Variants in NSUN6 observed in about 807,000 individuals in gnomAD.
NSUN6 encodes the protein NOP2/Sun RNA methyltransferase 6, also known as tRNA (cytosine(72)-C(5))-methyltransferase NSUN6.
NSUN6 carries 64 observed loss-of-function variants against 58.0 expected under a neutral mutation model. That is an observed-to-expected ratio of 1.10 (90% confidence interval 0.90 to 1.36). The LOEUF (loss-of-function observed/expected upper bound fraction) is 1.36. Among genes scored for constraint, NSUN6 ranks in the 40% most tolerant of loss-of-function variants. The pLI is 0.00. For synonymous variants in NSUN6, 231 were observed against 193.9 expected, an observed-to-expected ratio of 1.19 and a Z score of -1.59; for missense variants, 701 against 550.1, an observed-to-expected ratio of 1.27 and a Z score of -2.74.
At chr10:18,568,709 C>T (rs1448477392) in intron 8 of NSUN6, among the ~76,000 whole-genome samples, 5 of 151,126 alleles carry the variant, frequency 3.3e-5, no homozygotes, top group African/African-American at 1.2e-4. Flanking sequence ...TTCTCCACTC[C>T]ACTGTCCATT....
At chr10:18,653,695 T>C (rs966195130), upstream of NSUN6, among the ~76,000 whole-genome samples, 11 of 152,322 alleles carry the variant, frequency 7.2e-5, no homozygotes, top group Admixed American at 2.0e-4. Context: ...CTTGACTAGA[T>C]GTTATAGTAA....
intron 6 of NSUN6, among the ~76,000 whole-genome samples, chr10:18,605,773 G>A (rs929382492): frequency 9.9e-5 from 15 of 151,950 alleles, no homozygotes; most frequent in Admixed American, 9.8e-4. Flanking sequence ...ATGGTAAGGG[G>A]GTGCAACAGT....
intron 7 of NSUN6, among the ~76,000 whole-genome samples, chr10:18,586,637 A>T (rs1025187045): frequency 6.6e-6 from 1 of 152,120 alleles, no homozygotes; most frequent in South Asian, 2.1e-4. Flanking sequence ...CGCTGACTTC[A>T]GGAGTGAAGC....
intron 8 of NSUN6, among the ~76,000 whole-genome samples, chr10:18,566,466 C>G (rs1415465076): frequency 7.0e-6 from 1 of 143,496 alleles, no homozygotes; most frequent in Non-Finnish European, 1.5e-5. Flanking sequence ...GCATTCCATT[C>G]CATTCTCCAT....
At chr10:18,635,859 TA>T (rs755771328) in intron 3 of NSUN6, among the ~76,000 whole-genome samples, 2,099 of 148,366 alleles carry the variant, frequency 0.014, 58 homozygotes, top group Non-Finnish European at 0.013. Flanking sequence ...TCGTTTTTTT[TA>T]AAAAAAAAAG....
At chr10:18,564,461 T>C (rs1006692058) in intron 8 of NSUN6, among the ~76,000 whole-genome samples, 1 of 149,774 alleles carries the variant, frequency 6.7e-6, no homozygotes, top group African/African-American at 2.5e-5. Flanking sequence ...TCATACCCAT[T>C]CTCCATTCCA....
At chr10:18,597,595 C>G (rs11015050) in intron 6 of NSUN6, among the ~76,000 whole-genome samples, 2 of 152,022 alleles carry the variant, frequency 1.3e-5, no homozygotes, top group African/African-American at 4.8e-5. Context: ...CATGGAGAAA[C>G]CCCATCTCTA....
intron 3 of NSUN6, among the ~76,000 whole-genome samples, chr10:18,632,857 A>G (rs183267460): frequency 0.012 from 1,758 of 152,326 alleles, 46 homozygotes; most frequent in African/African-American, 0.039. Flanking sequence ...GTGATTCCTC[A>G]GGGATCTAGA....
intron 6 of NSUN6, among the ~76,000 whole-genome samples, chr10:18,601,864 C>T (rs1168608271): frequency 2.0e-5 from 3 of 151,240 alleles, no homozygotes; most frequent in Admixed American, 6.6e-5. Flanking sequence ...GTAATCCCAT[C>T]TTGGGAAGCT....
chr10:18,626,313 G>C (rs896162705), intron 3 of NSUN6, among the ~76,000 whole-genome samples: 16 of 151,836 alleles, frequency 1.1e-4, no homozygotes, highest in Non-Finnish European at 2.1e-4. Flanking sequence ...GCCGAGGAGG[G>C]TGGATCACTT....
Position 18,640,922 on chromosome 10 carries a change from A to G in NSUN6, c.311+1554T>C, listed in dbSNP as rs114492848. Among the ~76,000 whole-genome samples the G allele has an allele frequency of 9.3e-3, 1,418 of 151,676 alleles. 20 individuals carry two copies. The highest frequency in any genetic ancestry group is 0.032 in the African/African-American group (1,332 of 41,444). ...CCTTTTATTTCCCCCCTCTCTCCCA[A>G]TCTAATTTCCTCAGAGTTAACCACT... is the stretch of plus-strand genomic sequence containing the variant. On this transcript the variant is annotated intron_variant, in intron 3 of 10. Transcript: ENST00000377304.
chr10:18,556,260 TGAA>T (rs2055010653), intron 8 of NSUN6, among the ~76,000 whole-genome samples: 1 of 144,790 alleles, frequency 6.9e-6, no homozygotes, highest in African/African-American at 2.6e-5. Flanking sequence ...TAGAATGGAA[TGAA>T]GAATGGAATG....
intron 8 of NSUN6, among the ~76,000 whole-genome samples, chr10:18,573,870 G>T (rs1290884530): frequency 6.6e-6 from 1 of 152,068 alleles, no homozygotes; most frequent in Non-Finnish European, 1.5e-5. Flanking sequence ...AAATTTTTAG[G>T]CTTAGTTGGA....
chr10:18,556,981 G>C (rs1451599364), intron 8 of NSUN6, among the ~76,000 whole-genome samples: 1 of 151,046 alleles, frequency 6.6e-6, no homozygotes, highest in Non-Finnish European at 1.5e-5. Flanking sequence ...GAATGGAATG[G>C]AGAATGGAAT....
rs535463376 is a variant in NSUN6 at position 18,610,821 on chromosome 10, G to A, written c.576-895C>T. On this transcript the variant is annotated intron_variant, in intron 5 of 10. Transcript: ENST00000377304. ...TGTCAGGCCAAAGCAGACAAAGCAA[G>A]CGAAAGGAGAAACATGGAGAAATTC... is the stretch of plus-strand genomic sequence containing the variant. Among the ~76,000 whole-genome samples, 3 of 152,302 alleles carry A rather than the reference G, an allele frequency of 2.0e-5. No individual in the cohort carries two copies. In the East Asian group the frequency reaches 5.8e-4, roughly 29 times the overall value.
intron 6 of NSUN6, among the ~76,000 whole-genome samples, chr10:18,600,993 T>TATACATATATATATATGTATA (rs1554870074): frequency 1.6e-5 from 2 of 126,418 alleles, no homozygotes; most frequent in Non-Finnish European, 3.3e-5. Context: ...TATATATATA[T>TATACATATATATATATGTATA]TATATACTAG....
chr10:18,611,341 T>C (rs2058227445), intron 5 of NSUN6, among the ~76,000 whole-genome samples: 1 of 152,178 alleles, frequency 6.6e-6, no homozygotes, highest in African/African-American at 2.4e-5. Flanking sequence ...AGCTAGCTTA[T>C]GGAACAGTTT....
At chr10:18,657,002 T>C (rs974029307), upstream of NSUN6, among the ~76,000 whole-genome samples, 2 of 151,944 alleles carry the variant, frequency 1.3e-5, no homozygotes, top group African/African-American at 4.8e-5. Context: ...AACTTTTGTA[T>C]TTTTTTGGAG....
At chr10:18,562,452 GGAATGGAATGGATTGCA>G (rs1225350962) in intron 8 of NSUN6, among the ~76,000 whole-genome samples, 4 of 143,876 alleles carry the variant, frequency 2.8e-5, no homozygotes, top group African/African-American at 1.0e-4. Flanking sequence ...AATGGAATGC[GGAATGGAATGGATTGCA>G]GAATGGAATG....
Sources: gnomAD v4.1 joint callset for allele counts (sites outside exome capture counted in the v4.1 genomes callset) on GRCh38, gnomAD v4.1.1 for gene constraint, MANE v1.5 for transcripts, NCBI Gene and HGNC (gene_info 2026-07-23, HGNC 2026-07-21) for gene names.